PRAMEF9: variants seen among roughly 807,000 people sequenced by gnomAD.
PRAMEF9 encodes the protein PRAME family member 9/15.
Under a neutral mutation model 10.9 loss-of-function variants are expected in PRAMEF9, and 1 was observed. The ratio of observed to expected loss-of-function variants is 0.09; its 90% CI spans 0.03 to 0.44. The LOEUF (loss-of-function observed/expected upper bound fraction) is 0.44, where lower values mean the gene tolerates loss of function less well. Ranked by LOEUF, PRAMEF9 falls within the 20% of genes least tolerant of loss-of-function variation. The pLI is 0.97. For synonymous variants in PRAMEF9, 40 were observed against 148.3 expected, an observed-to-expected ratio of 0.27 and a Z score of 5.31; for missense variants, 126 against 379.8, an observed-to-expected ratio of 0.33 and a Z score of 5.55.
chr1:13,172,501 T>G lies in PRAMEF9; in HGVS notation c.-48T>G, dbSNP rs1479827819. Reference sequence around the variant, plus strand: ...AGTTCCTGCTTGGTTCTTCCTGAGGTCTGAGCACCTTCTAAACTACATCCA... The same window carrying G: ...AGTTCCTGCTTGGTTCTTCCTGAGGGCTGAGCACCTTCTAAACTACATCCA... On this transcript the variant is annotated 5_prime_UTR_variant, in exon 1 of 4. Transcript: ENST00000415919. The G allele has an allele frequency of 3.1e-4, 44 of 141,318 alleles. No individual in the cohort carries two copies. The highest frequency in any genetic ancestry group is 1.1e-3 in the African/African-American group (43 of 40,838). The allele number at this position is 141,318 out of a possible 1,614,324, so 8.8% of individuals were successfully genotyped here. A position where few individuals can be genotyped will look rare whatever the true frequency, so the allele number is the denominator to read the frequency against.
rs1557703806 is a variant in PRAMEF9, at chr1:13,171,898, T to TTTTG, written c.-650_-649insTTGT. 2 of 138,614 alleles carry TTTTG rather than the reference T, an allele frequency of 1.4e-5. No homozygotes were observed. Among genetic ancestry groups the TTTTG allele is most frequent in the Non-Finnish European group, 3.2e-5 (2 of 61,780 alleles). 8.6% of individuals were successfully genotyped at this position (138,614 alleles called of 1,614,324 possible). ...TTTTTCTTTTTTTTTTTTTTTTTTTTTAAATCTAGCCTATTTCCCAGGCTG... is the reference window on the plus strand; with the variant it reads ...TTTTTCTTTTTTTTTTTTTTTTTTTTTTTGTAAATCTAGCCTATTTCCCAGGCTG... On this transcript the variant is annotated 5_prime_UTR_variant, in exon 1 of 4. Transcript: ENST00000415919.
In PRAMEF9 at chr1:13,172,248, A is replaced by G. The variant is rs1376540874; in HGVS notation, c.-301A>G. 7 of 144,652 alleles carry G rather than the reference A, an allele frequency of 4.8e-5. No individual in the cohort carries two copies. Among genetic ancestry groups the G allele is most frequent in the Non-Finnish European group, 9.4e-5 (6 of 63,968 alleles). The allele number at this position is 144,652 out of a possible 1,614,324, so 9.0% of individuals were successfully genotyped here. A position where few individuals can be genotyped will look rare whatever the true frequency, so the allele number is the denominator to read the frequency against. The stretch of plus-strand genomic sequence containing the variant: ...TTCTTGCTTCGTGAAGTGAATATAG[A>G]TATGTGATATGAATGGACATCTGAT... On this transcript the variant is annotated 5_prime_UTR_variant, in exon 1 of 4. Transcript: ENST00000415919.
Position 13,178,961 on chromosome 1 carries a change from T to C in PRAMEF9, c.1266T>C (p.Tyr422=), listed in dbSNP as rs782264400. 3 of 1,539,166 alleles carry C rather than the reference T, an allele frequency of 1.9e-6. No homozygotes were observed. Among genetic ancestry groups the C allele is most frequent in the Non-Finnish European group, 2.7e-6 (3 of 1,122,234 alleles). Residue 422 remains tyrosine, a synonymous_variant, in exon 4 of 4, where the codon TAT becomes TAC. Transcript: ENST00000415919. ...VEVYPAPRES[Y]GADGTLCWSR... ...TGTATCCTGCCCCGCGGGAGAGTTA[T>C]GGTGCTGATGGTACTCTCTGCTGGA...
rs1638321656 is a variant in PRAMEF9 at position 13,172,003 on chromosome 1, T to C, written c.-546T>C. 2 of 142,314 alleles carry C rather than the reference T, an allele frequency of 1.4e-5. No homozygotes were observed. The highest frequency in any genetic ancestry group is 2.5e-5 in the African/African-American group (1 of 40,790). The allele number at this position is 142,314 out of a possible 1,614,324, so 8.8% of individuals were successfully genotyped here. On this transcript the variant is annotated 5_prime_UTR_variant, in exon 1 of 4. Transcript: ENST00000415919. ...GATCCTCCTGTCTCAGCCTCCCTAG[T>C]AGCCTGGACTATAGGCGCAGACCAC...
At position 13,171,948 on chromosome 1, in the gene PRAMEF9, C is replaced by T. The variant is rs878888907; in HGVS notation, c.-601C>T. 0.6 allele frequency: 81,681 copies of T among 135,342 alleles called. 23,365 individuals are homozygous for T. Among genetic ancestry groups the T allele is most frequent in the Non-Finnish European group, 0.64 (38,838 of 60,378 alleles). 8.4% of individuals were successfully genotyped at this position (135,342 alleles called of 1,614,324 possible). On this transcript the variant is annotated 5_prime_UTR_variant, in exon 1 of 4. Transcript: ENST00000415919. ...GGAGTTCAGTGGTGTATTGTCAGCT[C>T]ACTGCAACCTCTGCCTCCTGGGTTC...
intron 1 of PRAMEF9, chr1:13,174,970 AT>A (rs1441174933): frequency 3.6e-6 from 1 of 274,640 alleles, no homozygotes; most frequent in Admixed American, 6.0e-5. Flanking sequence ...ATTTCCCCCA[AT>A]GGTAGGAGGG....
rs1464767419 is a variant in PRAMEF9 at position 13,171,848 on chromosome 1, T to C, written c.-701T>C. ...TTAACTCGGTAGAAGTGGAATCAAA[T>C]GTAGTTCTCTCTCTCTCTTTTTTCT... On this transcript the variant is annotated 5_prime_UTR_variant, in exon 1 of 4. Transcript: ENST00000415919. The C allele has an allele frequency of 7.0e-6, 1 of 141,960 alleles. No individual in the cohort carries two copies. Among genetic ancestry groups the C allele is most frequent in the African/African-American group, 2.4e-5 (1 of 40,868 alleles). The allele number at this position is 141,960 out of a possible 1,614,324, so 8.8% of individuals were successfully genotyped here. A position where few individuals can be genotyped will look rare whatever the true frequency, so the allele number is the denominator to read the frequency against.
intron 1 of PRAMEF9, 85 bp from the exon 2 acceptor site, chr1:13,175,180 C>G (rs1294768436): frequency 7.5e-7 from 1 of 1,324,868 alleles, no homozygotes; most frequent in South Asian, 1.2e-5. Context: ...ATTGCCAGAG[C>G]AGTGAGTTTG....
chr1:13,176,062 G>C, intron 2 of PRAMEF9, 179 bp from the exon 3 acceptor site: 1 of 516,746 alleles, frequency 1.9e-6, no homozygotes. Flanking sequence ...GGGAGACTTG[G>C]TCTCAAAAAA....
In PRAMEF9 at chr1:13,179,410, A is replaced by G. The variant is rs1365263620; in HGVS notation, c.*278A>G. 3.6e-6 allele frequency: 2 copies of G among 563,250 alleles called. No individual in the cohort carries two copies. Among genetic ancestry groups the G allele is most frequent in the African/African-American group, 3.7e-5 (2 of 53,546 alleles). 34.9% of individuals were successfully genotyped at this position (563,250 alleles called of 1,614,324 possible). A position where few individuals can be genotyped will look rare whatever the true frequency, so the allele number is the denominator to read the frequency against. ...AGGCTTGAGAATACATGAGGGAGTT[A>G]CTCTTGCATGGATGGTTGTAAAGAA... On this transcript the variant is annotated 3_prime_UTR_variant, in exon 4 of 4. Transcript: ENST00000415919.
chr1:13,172,019 C>T lies in PRAMEF9; in HGVS notation c.-530C>T, dbSNP rs1285173920. 19 of 142,110 alleles carry T rather than the reference C, an allele frequency of 1.3e-4. 3 individuals are homozygous for T. The highest frequency in any genetic ancestry group is 2.4e-4 in the Non-Finnish European group (15 of 62,910). The allele number at this position is 142,110 out of a possible 1,614,324, so 8.8% of individuals were successfully genotyped here. A position where few individuals can be genotyped will look rare whatever the true frequency, so the allele number is the denominator to read the frequency against. On this transcript the variant is annotated 5_prime_UTR_variant, in exon 1 of 4. Transcript: ENST00000415919. ...CCTCCCTAGTAGCCTGGACTATAGG[C>T]GCAGACCACCGCAACTGGCTAATTT...
Position 13,179,121 on chromosome 1 carries a change from T to A in PRAMEF9, c.1426T>A (p.Tyr476Asn). The A allele has an allele frequency of 6.5e-7, 1 of 1,539,604 alleles. No homozygotes were observed. The highest frequency in any genetic ancestry group is 8.9e-7 in the Non-Finnish European group (1 of 1,121,692). ...RSFYDLEADQ[Y>N]CC ...ATTTTATGACCTGGAGGCAGATCAA[T>A]ACTGCTGTTGAATGCCTGCCTATTT... Residue 476 changes from tyrosine to asparagine, a missense_variant, in exon 4 of 4, where the codon TAC becomes AAC. By Grantham distance (143) the Tyr-to-Asn change is moderately radical (BLOSUM62 -2). Coordinates refer to ENST00000415919, the MANE Select transcript of PRAMEF9 (RefSeq NM_001010890.3).
Position 13,178,995 on chromosome 1 carries a change from G to A in PRAMEF9, c.1300G>A (p.Ala434Thr), listed in dbSNP as rs781815157. ...ADGTLCWSRF[A>T]QIRAELMNRV... ...TGGTACTCTCTGCTGGAGCAGATTT[G>A]CTCAAATTAGGGCTGAGCTGATGAA... The change falls in exon 4 of 4, where the codon GCT (alanine) becomes ACT (threonine). Residue 434 changes from alanine (A) to threonine (T), a missense_variant. Coordinates refer to ENST00000415919, the MANE Select transcript of PRAMEF9 (RefSeq NM_001010890.3). 42 of 1,540,994 alleles carry A rather than the reference G, an allele frequency of 2.7e-5. 4 individuals carry two copies. Among genetic ancestry groups the A allele is most frequent in the Admixed American group, 1.5e-4 (9 of 58,086 alleles).
At position 13,175,274 on chromosome 1, in the gene PRAMEF9, C is replaced by A. The variant is rs1486993953; in HGVS notation, c.-7C>A. 4.9e-6 allele frequency: 6 copies of A among 1,218,166 alleles called. No individual in the cohort carries two copies. Among genetic ancestry groups the A allele is most frequent in the Admixed American group, 2.2e-5 (1 of 46,284 alleles). 75.5% of individuals were successfully genotyped at this position (1,218,166 alleles called of 1,614,324 possible). The stretch of plus-strand genomic sequence containing the variant: ...GTTTGTCCTCTGGAAGTTTTCCCTG[C>A]AGATTCATGAAGATGAGCATCCGGA... On this transcript the variant is annotated 5_prime_UTR_variant, in exon 2 of 4. Transcript: ENST00000415919.
chr1:13,175,145 G>A (rs1638361669), intron 1 of PRAMEF9, 120 bp from the exon 2 acceptor site: 4 of 1,204,424 alleles, frequency 3.3e-6, no homozygotes, highest in African/African-American at 2.8e-5. Context: ...GAGTAGAATT[G>A]GAGTAAACTG....
chr1:13,178,230 C>A (rs1385957765), intron 3 of PRAMEF9: 1 of 136,574 alleles, frequency 7.3e-6, no homozygotes, highest in African/African-American at 3.3e-5. Context: ...TTGCAGGCTC[C>A]CCCCACCACA....
Position 13,172,533 on chromosome 1 carries a change from G to T in PRAMEF9, c.-17+1G>T, listed in dbSNP as rs1382044712. 2 of 140,742 alleles carry T rather than the reference G, an allele frequency of 1.4e-5. No individual in the cohort carries two copies. Among genetic ancestry groups the T allele is most frequent in the Non-Finnish European group, 3.2e-5 (2 of 62,284 alleles). 8.7% of individuals were successfully genotyped at this position (140,742 alleles called of 1,614,324 possible). On this transcript the variant is annotated splice_donor_variant, in intron 1 of 3. Transcript: ENST00000415919. LOFTEE classifies it low-confidence loss of function (5UTR_SPLICE). The stretch of plus-strand genomic sequence containing the variant: ...ACCTTCTAAACTACATCCAGATCTG[G>T]TAAGTCACTAATTTCTGTAAGGACA...
Position 13,171,946 on chromosome 1 carries a change from C to G in PRAMEF9, c.-603C>G, listed in dbSNP as rs1400692364. Reference sequence around the variant, plus strand: ...CTGGAGTTCAGTGGTGTATTGTCAGCTCACTGCAACCTCTGCCTCCTGGGT... The same window carrying G: ...CTGGAGTTCAGTGGTGTATTGTCAGGTCACTGCAACCTCTGCCTCCTGGGT... On this transcript the variant is annotated 5_prime_UTR_variant, in exon 1 of 4. Coordinates refer to ENST00000415919, the MANE Select transcript of PRAMEF9 (RefSeq NM_001010890.3). 4 of 135,420 alleles carry G rather than the reference C, an allele frequency of 3.0e-5. No individual in the cohort carries two copies. The highest frequency in any genetic ancestry group is 4.2e-3 in the Middle Eastern group (1 of 238). The allele number at this position is 135,420 out of a possible 1,614,324, so 8.4% of individuals were successfully genotyped here.
chr1:13,176,683 GTC>G lies in PRAMEF9; in HGVS notation c.741_742del (p.Arg248LeufsTer57), dbSNP rs1387625688. ...GAAGCTCGTTCTCTCCCACATGGAT[GTC>G]TCTCGCTACGTTTCCCCAGAGCAGA... Reference protein sequence around the residue: ...LQKLVLSHMDVSRYVSPEQKK... With the variant: ...LQKLVLSHMDXSRYVSPEQKK... On this transcript the variant is annotated frameshift_variant, in exon 3 of 4. Coordinates refer to ENST00000415919, the MANE Select transcript of PRAMEF9 (RefSeq NM_001010890.3). LOFTEE classifies it high-confidence loss of function. The G allele has an allele frequency of 2.0e-6, 1 of 497,134 alleles. No individual in the cohort carries two copies. The highest frequency in any genetic ancestry group is 3.0e-5 in the African/African-American group (1 of 33,258). 30.8% of individuals were successfully genotyped at this position (497,134 alleles called of 1,614,324 possible).
Sources: allele counts gnomAD v4.1 joint callset, GRCh38; gene constraint gnomAD v4.1.1; transcripts MANE v1.5; gene names NCBI Gene and HGNC (gene_info 2026-07-23, HGNC 2026-07-21).